The following SUPT3H variants were observed in gnomAD, a reference collection of about 807,000 sequenced individuals.
SUPT3H encodes transcription initiation protein SPT3 homolog.
A neutral mutation model predicts 44.3 loss-of-function variants in SUPT3H; 44 were observed. The observed-to-expected ratio is 0.99, with a 90% CI of 0.78 to 1.28. The LOEUF (loss-of-function observed/expected upper bound fraction) is 1.28, where lower values mean the gene tolerates loss of function less well. Among genes scored for constraint, SUPT3H ranks in the 50% most tolerant of loss-of-function variants. The pLI is 0.00. For synonymous variants in SUPT3H, 124 were observed against 125.6 expected, an observed-to-expected ratio of 0.99 and a Z score of 0.09; for missense variants, 380 against 387.1, an observed-to-expected ratio of 0.98 and a Z score of 0.15.
intron 10 of SUPT3H, among the ~76,000 whole-genome samples, chr6:44,866,443 A>C (rs1167976622): frequency 3.3e-5 from 5 of 151,896 alleles, no homozygotes; most frequent in Admixed American, 6.6e-5. Context: ...ATATGTTGAG[A>C]TCCATCTCTT....
chr6:45,001,040 CCA>C (rs1237307006), intron 6 of SUPT3H, among the ~76,000 whole-genome samples: 2 of 152,044 alleles, frequency 1.3e-5, no homozygotes, highest in African/African-American at 2.4e-5. Flanking sequence ...CTGTGGGTGA[CCA>C]CAGTTCCTCA....
intron 6 of SUPT3H, among the ~76,000 whole-genome samples, chr6:45,001,669 A>G (rs550338219): frequency 2.6e-4 from 40 of 152,210 alleles, no homozygotes; most frequent in African/African-American, 9.1e-4. Flanking sequence ...TGGTAGGTCT[A>G]TACCATTTTC....
intron 2 of SUPT3H, among the ~76,000 whole-genome samples, chr6:45,123,323 C>T (rs1490933973): frequency 1.3e-5 from 2 of 151,256 alleles, no homozygotes; most frequent in Non-Finnish European, 2.9e-5. Flanking sequence ...TATGACAATA[C>T]AAAAATCATC....
chr6:45,212,449 C>T (rs1764243316), intron 2 of SUPT3H, among the ~76,000 whole-genome samples: 1 of 141,052 alleles, frequency 7.1e-6, no homozygotes, highest in African/African-American at 2.6e-5. Flanking sequence ...CTTCCTCAGC[C>T]GTAGGTTCTG....
At chr6:45,184,025 C>T (rs1278357580) in intron 2 of SUPT3H, among the ~76,000 whole-genome samples, 1 of 152,086 alleles carries the variant, frequency 6.6e-6, no homozygotes, top group East Asian at 1.9e-4. Context: ...ACATGTCATA[C>T]ATTTGTCAGA....
At position 45,177,148 on chromosome 6, in the gene SUPT3H, G is replaced by C. The variant is rs530004286; in HGVS notation, c.102-71142C>G. ...GCTACGGGCGGACATTCAAACCAAAGGCAAAGAAGTTGAAAACTTTGAAAA... is the reference window on the plus strand; with the variant it reads ...GCTACGGGCGGACATTCAAACCAAACGCAAAGAAGTTGAAAACTTTGAAAA... On this transcript the variant is annotated intron_variant, in intron 2 of 10. Transcript: ENST00000371459. Among the ~76,000 whole-genome samples the C allele has an allele frequency of 2.0e-5, 3 of 152,182 alleles. No homozygotes were observed. The East Asian group carries it at 5.8e-4, about 29-fold the overall frequency.
intron 2 of SUPT3H, among the ~76,000 whole-genome samples, chr6:45,306,236 A>G (rs555272452): frequency 6.6e-6 from 1 of 152,342 alleles, no homozygotes; most frequent in South Asian, 2.1e-4. Context: ...AGCCATACCC[A>G]GTACCAAAAC....
rs148772061 is a variant in SUPT3H at position 44,923,296 on chromosome 6, T to C, written c.912+9357A>G. Among the ~76,000 whole-genome samples, 10 of 152,240 alleles carry C rather than the reference T, an allele frequency of 6.6e-5. No homozygotes were observed. In the East Asian group the frequency reaches 1.9e-3, roughly 29 times the overall value. ...TATGTCCCCCATTAGAGAAAAGTGATTTGCTTTTCCAGACTATGTTCCTGA... is the reference window on the plus strand; with the variant it reads ...TATGTCCCCCATTAGAGAAAAGTGACTTGCTTTTCCAGACTATGTTCCTGA... On this transcript the variant is annotated intron_variant, in intron 10 of 10. Transcript: ENST00000371459.
chr6:44,990,284 T>C lies in SUPT3H; in HGVS notation c.504+13369A>G, dbSNP rs1403446528. ...TCTTGACACCTTTGTCGAAGATTAG[T>C]TGACCACATGCGTGTAGGTTTATTT... On this transcript the variant is annotated intron_variant, in intron 6 of 10. Coordinates refer to ENST00000371459, the MANE Select transcript of SUPT3H (RefSeq NM_003599.4). 2.0e-5 allele frequency among the ~76,000 whole-genome samples: 3 copies of C among 152,260 alleles called. No individual in the cohort carries two copies. The East Asian group carries it at 5.8e-4, about 29-fold the overall frequency.
intron 10 of SUPT3H, among the ~76,000 whole-genome samples, chr6:44,867,152 C>T (rs937528177): frequency 4.0e-5 from 6 of 151,666 alleles, no homozygotes; most frequent in African/African-American, 1.4e-4. Flanking sequence ...AAGGAAGATA[C>T]ACTTTTTTTT....
chr6:45,014,951 T>A, intron 4 of SUPT3H, 60 bp from the exon 5 acceptor site: 1 of 1,030,280 alleles, frequency 9.7e-7, no homozygotes, highest in Non-Finnish European at 1.3e-6. Flanking sequence ...CTTTACTGAT[T>A]AAAGACTACT....
At position 44,953,418 on chromosome 6, in the gene SUPT3H, C is replaced by T; in HGVS notation, c.694-1G>A. The T allele has an allele frequency of 6.2e-7, 1 of 1,612,840 alleles. No homozygotes were observed. Among genetic ancestry groups the T allele is most frequent in the Non-Finnish European group, 8.5e-7 (1 of 1,178,888 alleles). ...TCACAAGAAGAGCCAGATCCACTAA[C>T]TAGAAGACCAGAAGAATGAAAGTCA... On this transcript the variant is annotated splice_acceptor_variant, in intron 8 of 10. Coordinates refer to ENST00000371459, the MANE Select transcript of SUPT3H (RefSeq NM_003599.4). LOFTEE classifies it high-confidence loss of function.
At chr6:45,150,218 C>G (rs1272795635) in intron 2 of SUPT3H, among the ~76,000 whole-genome samples, 1 of 152,012 alleles carries the variant, frequency 6.6e-6, no homozygotes, top group Non-Finnish European at 1.5e-5. Flanking sequence ...ATTTTAAATT[C>G]TAAAAGTTCA....
At chr6:45,147,118 G>A (rs1271422063) in intron 2 of SUPT3H, among the ~76,000 whole-genome samples, 1 of 152,106 alleles carries the variant, frequency 6.6e-6, no homozygotes, top group African/African-American at 2.4e-5. Context: ...GAGGCACTGA[G>A]AGGTTTAGTA....
intron 2 of SUPT3H, among the ~76,000 whole-genome samples, chr6:45,162,012 A>T (rs1036611171): frequency 6.7e-6 from 1 of 149,166 alleles, no homozygotes; most frequent in Admixed American, 6.8e-5. Context: ...AGGAATGTGT[A>T]TAACTCTTCA....
chr6:45,344,929 G>T (rs1790543661), intron 2 of SUPT3H, among the ~76,000 whole-genome samples: 1 of 152,136 alleles, frequency 6.6e-6, no homozygotes, highest in Admixed American at 6.6e-5. Context: ...TAGTTTAGTA[G>T]TTGCCATGGA....
intron 2 of SUPT3H, among the ~76,000 whole-genome samples, chr6:45,296,185 TACACACACACAC>T (rs201077641): frequency 7.1e-6 from 1 of 140,454 alleles, no homozygotes; most frequent in Admixed American, 7.0e-5. Context: ...ATACACATAC[TACACACACACAC>T]ACACACACAC....
At chr6:44,826,517 A>T (rs1045617612), downstream of SUPT3H, among the ~76,000 whole-genome samples, 1 of 152,132 alleles carries the variant, frequency 6.6e-6, no homozygotes, top group African/African-American at 2.4e-5. Context: ...ATTTTATGAG[A>T]TGTATACATG....
rs73735351 is a variant in SUPT3H at position 45,300,600 on chromosome 6, G to C, written c.101+64601C>G. On this transcript the variant is annotated intron_variant, in intron 2 of 10. Transcript: ENST00000371459. The stretch of plus-strand genomic sequence containing the variant: ...ACCAGTGGCTGCTTAGGGGCTGGAA[G>C]ATAGGAAGCGACGGCTTAATGGGTT... Among the ~76,000 whole-genome samples, 1,093 of 152,290 alleles carry C rather than the reference G, an allele frequency of 7.2e-3. 18 individuals are homozygous for C. Among genetic ancestry groups the C allele is most frequent in the African/African-American group, 0.025 (1,041 of 41,552 alleles).
Sources: allele counts gnomAD v4.1 joint callset (sites outside exome capture counted in the v4.1 genomes callset), GRCh38; gene constraint gnomAD v4.1.1; transcripts MANE v1.5; gene names NCBI Gene and HGNC (gene_info 2026-07-23, HGNC 2026-07-21).